Variants in TG observed in about 807,000 individuals in gnomAD.
TG encodes the protein thyroglobulin, also known as thyroid hormones.
Under a neutral mutation model 324.7 loss-of-function variants are expected in TG, and 270 were observed. The observed-to-expected ratio is 0.83, with a 90% CI of 0.75 to 0.92. The LOEUF (loss-of-function observed/expected upper bound fraction) is 0.92, where lower values mean the gene tolerates loss of function less well. TG is among the 40% of genes least tolerant of loss of function. The pLI is 0.00. For missense variants in TG, 3,591 were observed against 3,456.4 expected (o/e 1.04, Z -0.98); for synonymous variants, 1,401 against 1,327.0 (o/e 1.06, Z -1.21).
chr8:132,948,637 C>T, intron 26 of TG, 139 bp from the exon 27 acceptor site: 2 of 966,568 alleles, frequency 2.1e-6, no homozygotes, highest in Non-Finnish European at 3.3e-6. Context: ...TAAAACCAGG[C>T]TCTTGAATTC....
At chr8:132,986,406 A>ATG (rs1400818158) in intron 35 of TG, among the ~76,000 whole-genome samples, 8 of 93,880 alleles carry the variant, frequency 8.5e-5, no homozygotes, top group African/African-American at 2.8e-4. Context: ...ATATATATGT[A>ATG]TGTGTATATA....
intron 15 of TG, among the ~76,000 whole-genome samples, chr8:132,900,898 C>T (rs1026932998): frequency 1.3e-5 from 2 of 152,176 alleles, no homozygotes; most frequent in African/African-American, 4.8e-5. Context: ...AAAAGGAAGA[C>T]GCTTTCTTCC....
At chr8:132,912,963 C>A in intron 19 of TG, 84 bp from the exon 20 acceptor site, 1 of 1,264,024 alleles carries the variant, frequency 7.9e-7, no homozygotes, top group South Asian at 1.3e-5. Context: ...TCTGGATATT[C>A]TAGGCATCTC....
chr8:132,896,021 T>C (rs1417350720), intron 11 of TG, among the ~76,000 whole-genome samples: 2 of 152,214 alleles, frequency 1.3e-5, no homozygotes, highest in Non-Finnish European at 2.9e-5. Flanking sequence ...CAGAGCGAAG[T>C]GCCTTTGGCC....
intron 41 of TG, among the ~76,000 whole-genome samples, chr8:133,078,230 G>T (rs1845199625): frequency 6.6e-6 from 1 of 152,172 alleles, no homozygotes; most frequent in South Asian, 2.1e-4. Flanking sequence ...TGGGAATTAG[G>T]GCTTGGAAGC....
intron 18 of TG, among the ~76,000 whole-genome samples, chr8:132,909,172 G>A (rs2132355154): frequency 1.3e-5 from 2 of 152,232 alleles, no homozygotes; most frequent in East Asian, 3.9e-4. Flanking sequence ...CTGTGTAGAG[G>A]GTAGGCTTTG....
At chr8:133,117,296 A>G (rs1850775836) in intron 45 of TG, among the ~76,000 whole-genome samples, 1 of 152,236 alleles carries the variant, frequency 6.6e-6, no homozygotes, top group Non-Finnish European at 1.5e-5. Context: ...AAATATTTTA[A>G]AAAGAAGAAG....
intron 41 of TG, among the ~76,000 whole-genome samples, chr8:133,055,644 T>C (rs1356893098): frequency 6.6e-6 from 1 of 152,160 alleles, no homozygotes; most frequent in Non-Finnish European, 1.5e-5. Context: ...TCAGGGTCAG[T>C]CTCAACTCTC....
chr8:132,960,648 T>A (rs1362091072), intron 27 of TG, among the ~76,000 whole-genome samples: 1 of 152,040 alleles, frequency 6.6e-6, no homozygotes, highest in South Asian at 2.1e-4. Context: ...GAGGCAAGAG[T>A]CTCTGAGGAG....
At chr8:133,031,759 A>C (rs1000896192) in intron 41 of TG, among the ~76,000 whole-genome samples, 8 of 152,174 alleles carry the variant, frequency 5.3e-5, no homozygotes, top group Non-Finnish European at 1.2e-4. Context: ...CATCAGCCAC[A>C]GGAGCCTTTC....
chr8:133,131,269 T>C (rs1316663429), intron 45 of TG, among the ~76,000 whole-genome samples: 1 of 152,234 alleles, frequency 6.6e-6, no homozygotes, highest in Non-Finnish European at 1.5e-5. Flanking sequence ...AGGATGCTGC[T>C]TCCTAGATAT....
In TG at chr8:133,090,519, C is replaced by T. The variant is rs540404793; in HGVS notation, c.7240-4525C>T. Among the ~76,000 whole-genome samples, 3 of 152,346 alleles carry T rather than the reference C, an allele frequency of 2.0e-5. No homozygotes were observed. The South Asian group carries it at 6.2e-4, about 32-fold the overall frequency. ...GCTGCTTTGCATGTAGAGGCACTTT[C>T]CCCCAAGTCAGACAGCGCAAGGGAC... is the stretch of plus-strand genomic sequence containing the variant. On this transcript the variant is annotated intron_variant, in intron 41 of 47. Transcript: ENST00000220616.
In TG at chr8:133,087,071, T is replaced by TACACACAC. The variant is rs56028043; in HGVS notation, c.7240-7928_7240-7921dup. Among the ~76,000 whole-genome samples the TACACACAC allele has an allele frequency of 4.5e-4, 64 of 143,132 alleles. 1 individual carries two copies. Among genetic ancestry groups the TACACACAC allele is most frequent in the African/African-American group, 1.5e-3 (56 of 38,136 alleles). 93.9% of individuals were successfully genotyped at this position (143,132 alleles called of 152,430 possible). On this transcript the variant is annotated intron_variant, in intron 41 of 47. Transcript: ENST00000220616. ...TGTATAGATTTCCTGAATATATGTT[T>TACACACAC]ACACACACACACACACACACACACA...
In TG at chr8:133,097,119, C is replaced by T. The variant is rs535882715; in HGVS notation, c.7572+746C>T. ...AGCACAAAGAGAGGACAACTCTGGG[C>T]GTGGGTGGAGTGCACCTTCCCCTGC... On this transcript the variant is annotated intron_variant, in intron 43 of 47. Coordinates refer to ENST00000220616, the MANE Select transcript of TG (RefSeq NM_003235.5). Among the ~76,000 whole-genome samples the T allele has an allele frequency of 7.2e-5, 11 of 152,306 alleles. 1 individual carries two copies. Among genetic ancestry groups the T allele is most frequent in the African/African-American group, 2.4e-4 (10 of 41,554 alleles).
Position 132,923,422 on chromosome 8 carries a change from G to A in TG, c.4613G>A (p.Ser1538Asn). ...QYRASQKDRG[S>N]GKAFCVDGEG... ...CGAGCCAGCCAGAAGGACAGGGGCAGTGGGAAGGCCTTCTGTGTGGACGGC... is the reference window on the plus strand; with the variant it reads ...CGAGCCAGCCAGAAGGACAGGGGCAATGGGAAGGCCTTCTGTGTGGACGGC... Residue 1538 changes from serine (S) to asparagine (N), a missense_variant, in exon 22 of 48, where the codon AGT (serine) becomes AAT (asparagine). Physicochemically the swap from Ser to Asn is conservative, Grantham distance 46. Transcript: ENST00000220616. 22 of 1,614,188 alleles carry A rather than the reference G, an allele frequency of 1.4e-5. No individual in the cohort carries two copies. The highest frequency in any genetic ancestry group is 1.8e-5 in the Non-Finnish European group (21 of 1,180,042).
chr8:133,053,132 C>A (rs1469716972), intron 41 of TG, among the ~76,000 whole-genome samples: 1 of 152,182 alleles, frequency 6.6e-6, no homozygotes, highest in Non-Finnish European at 1.5e-5. Context: ...CTTCACCGTT[C>A]CCACCTTTGT....
At chr8:133,115,341 C>G (rs566213049) in intron 44 of TG, among the ~76,000 whole-genome samples, 1 of 152,254 alleles carries the variant, frequency 6.6e-6, no homozygotes, top group African/African-American at 2.4e-5. Flanking sequence ...GTGTCCCACC[C>G]GAGGCCTGCC....
At chr8:132,868,000 G>C in intron 1 of TG, 115 bp from the exon 2 acceptor site, 1 of 893,978 alleles carries the variant, frequency 1.1e-6, no homozygotes, top group Non-Finnish European at 1.8e-6. Context: ...TTTAAAATAG[G>C]CTGTCATAGG....
At chr8:132,893,291 T>TGTGTAC (rs200453784) in intron 10 of TG, among the ~76,000 whole-genome samples, 4,254 of 139,522 alleles carry the variant, frequency 0.03, 171 homozygotes, top group African/African-American at 0.085. Context: ...TGTGTGTGTA[T>TGTGTAC]GTGTACGTGT....
Sources: gnomAD v4.1 joint callset for allele counts (sites outside exome capture counted in the v4.1 genomes callset) on GRCh38, gnomAD v4.1.1 for gene constraint, MANE v1.5 for transcripts, NCBI Gene and HGNC (gene_info 2026-07-23, HGNC 2026-07-21) for gene names.